The following MYO1D variants were observed in gnomAD, a reference collection of about 807,000 sequenced individuals.
MYO1D encodes myosin ID.
In MYO1D, 83 loss-of-function variants were observed where a neutral mutation model predicts 122.0. The observed-to-expected ratio is 0.68, with a 90% CI of 0.57 to 0.82. The LOEUF is 0.82. Among genes scored for constraint, MYO1D ranks in the 40% least tolerant of loss-of-function variants. MYO1D has a pLI of 0.00. For missense variants in MYO1D, 1,157 were observed against 1,269.5 expected (o/e 0.91, Z 1.35); for synonymous variants, 464 against 446.9 (o/e 1.04, Z -0.48).
intron 17 of MYO1D, among the ~76,000 whole-genome samples, chr17:32,658,256 C>A (rs1349147471): frequency 6.6e-6 from 1 of 152,066 alleles, no homozygotes; most frequent in Non-Finnish European, 1.5e-5. Flanking sequence ...AAGATAACAT[C>A]TGATTTAGCA....
rs1909472990 is a variant in MYO1D, at chr17:32,505,492, C to G, written c.2865-10577G>C. 2.0e-5 allele frequency: 3 copies of G among 152,176 alleles called. No individual in the cohort carries two copies. In the South Asian group the frequency reaches 6.2e-4, roughly 32 times the overall value. 9.4% of individuals were successfully genotyped at this position (152,176 alleles called of 1,614,324 possible). A position where few individuals can be genotyped will look rare whatever the true frequency, so the allele number is the denominator to read the frequency against. ...GCTGGGGCTCAGCTCTGGGAAGTGC[C>G]AGCCTGAACAGGAGTCACGCCCGGG... On this transcript the variant is annotated intron_variant, in intron 21 of 21. Coordinates refer to ENST00000318217, the MANE Select transcript of MYO1D (RefSeq NM_015194.3).
chr17:32,552,716 G>A (rs1029258829), intron 21 of MYO1D, among the ~76,000 whole-genome samples: 1 of 152,200 alleles, frequency 6.6e-6, no homozygotes, highest in Non-Finnish European at 1.5e-5. Flanking sequence ...AGATACAGAT[G>A]TGGAAACTGA....
chr17:32,781,525 C>T lies in MYO1D; in HGVS notation c.96-741G>A, dbSNP rs2090238430. ...TTAAAGTATATATAATATGATTCTA[C>T]CTTTTCCCCATAAAATAGGGTTAAA... On this transcript the variant is annotated intron_variant, in intron 1 of 21. Coordinates refer to ENST00000318217, the MANE Select transcript of MYO1D (RefSeq NM_015194.3). Among the ~76,000 whole-genome samples, 4 of 152,060 alleles carry T rather than the reference C, an allele frequency of 2.6e-5. No homozygotes were observed. The South Asian group carries it at 8.3e-4, about 32-fold the overall frequency.
intron 21 of MYO1D, among the ~76,000 whole-genome samples, chr17:32,577,106 C>A (rs796722823): frequency 6.6e-6 from 1 of 152,092 alleles, no homozygotes; most frequent in South Asian, 2.1e-4. Flanking sequence ...AAAAAATTAG[C>A]CTGGTGTGGC....
chr17:32,711,654 A>G (rs943155978), intron 16 of MYO1D, among the ~76,000 whole-genome samples: 103 of 151,662 alleles, frequency 6.8e-4, no homozygotes, highest in Admixed American at 1.9e-3. Flanking sequence ...TCGGGGGGGA[A>G]AAAAAAAGTC....
intron 21 of MYO1D, among the ~76,000 whole-genome samples, chr17:32,540,580 C>G (rs1398330266): frequency 6.6e-6 from 1 of 151,990 alleles, no homozygotes; most frequent in Non-Finnish European, 1.5e-5. Context: ...AAATGCAAAT[C>G]AAAACTACAC....
intron 21 of MYO1D, among the ~76,000 whole-genome samples, chr17:32,572,441 T>C (rs993042772): frequency 1.3e-5 from 2 of 152,308 alleles, no homozygotes; most frequent in Middle Eastern, 3.4e-3. Context: ...AGTCCTGTCA[T>C]TTCTACCTCC....
Position 32,876,887 on chromosome 17 carries a change from G to C in MYO1D, c.-15C>G. 1 of 1,458,344 alleles carries C rather than the reference G, an allele frequency of 6.9e-7. No homozygotes were observed. The highest frequency in any genetic ancestry group is 1.3e-5 in the South Asian group (1 of 75,464). The allele number at this position is 1,458,344 out of a possible 1,614,324, so 90.3% of individuals were successfully genotyped here. A position where few individuals can be genotyped will look rare whatever the true frequency, so the allele number is the denominator to read the frequency against. ...TGCTCCGCCATGGCGCCAGCGCGGG[G>C]GCTCAGGTGGGCGCGCTCGGGCCTC... On this transcript the variant is annotated 5_prime_UTR_variant, in exon 1 of 22. Coordinates refer to ENST00000318217, the MANE Select transcript of MYO1D (RefSeq NM_015194.3).
intron 21 of MYO1D, among the ~76,000 whole-genome samples, chr17:32,540,327 C>CAAAAAAAA (rs34076937): frequency 5.7e-5 from 4 of 69,820 alleles, no homozygotes; most frequent in Admixed American, 3.5e-4. Flanking sequence ...GAGACTATCT[C>CAAAAAAAA]AAAAAAAAAA....
chr17:32,786,630 G>C (rs1170455549), intron 1 of MYO1D, among the ~76,000 whole-genome samples: 1 of 152,184 alleles, frequency 6.6e-6, no homozygotes, highest in Non-Finnish European at 1.5e-5. Flanking sequence ...GACCAGCCTG[G>C]CCAACATGGC....
chr17:32,628,225 T>C (rs1402036840), intron 20 of MYO1D, among the ~76,000 whole-genome samples: 3 of 152,216 alleles, frequency 2.0e-5, no homozygotes, highest in Non-Finnish European at 4.4e-5. Flanking sequence ...CAATATTACA[T>C]ACAAATATAC....
intron 16 of MYO1D, among the ~76,000 whole-genome samples, chr17:32,667,761 G>A (rs190563881): frequency 5.9e-4 from 90 of 152,252 alleles, no homozygotes; most frequent in African/African-American, 2.0e-3. Context: ...ATGAACCTTC[G>A]TTTAGGACAT....
At chr17:32,507,676 G>A (rs1909546412) in intron 21 of MYO1D, among the ~76,000 whole-genome samples, 1 of 152,150 alleles carries the variant, frequency 6.6e-6, no homozygotes, top group African/African-American at 2.4e-5. Context: ...TTCCTTATAT[G>A]GAAGACCTAG....
In MYO1D at chr17:32,581,429, T is replaced by G. The variant is rs376556409; in HGVS notation, c.2864+23658A>C. 3.2e-4 allele frequency among the ~76,000 whole-genome samples: 48 copies of G among 152,252 alleles called. No homozygotes were observed. The East Asian group carries it at 5.2e-3, about 17-fold the overall frequency. On this transcript the variant is annotated intron_variant, in intron 21 of 21. Transcript: ENST00000318217. ...CATTTCATTGGTTTCTGTTCTGACC[T>G]TTCTTCTGCTTTCTTTGGTTTAATT...
intron 21 of MYO1D, among the ~76,000 whole-genome samples, chr17:32,557,083 AATG>A (rs747346428): frequency 2.0e-5 from 3 of 152,014 alleles, no homozygotes; most frequent in South Asian, 2.1e-4. Context: ...CATTCAGTGA[AATG>A]ATGTGTGCCT....
At chr17:32,629,250 C>T (rs192537029) in intron 20 of MYO1D, among the ~76,000 whole-genome samples, 1 of 151,984 alleles carries the variant, frequency 6.6e-6, no homozygotes, top group Admixed American at 6.6e-5. Context: ...AGGTTACGCA[C>T]ACAGGATCTT....
intron 16 of MYO1D, among the ~76,000 whole-genome samples, chr17:32,666,903 A>G (rs2088644137): frequency 6.6e-6 from 1 of 152,214 alleles, no homozygotes; most frequent in Non-Finnish European, 1.5e-5. Flanking sequence ...AATTTTTAGA[A>G]GCATCTTTCT....
chr17:32,863,236 AGTAATAT>A (rs2091093470), intron 1 of MYO1D, among the ~76,000 whole-genome samples: 2 of 152,250 alleles, frequency 1.3e-5, no homozygotes, highest in South Asian at 4.1e-4. Flanking sequence ...TACCAAGGGC[AGTAATAT>A]GTTTTAGAGT....
chr17:32,789,389 T>C (rs1598100722), intron 1 of MYO1D, among the ~76,000 whole-genome samples: 1 of 151,954 alleles, frequency 6.6e-6, no homozygotes, highest in Non-Finnish European at 1.5e-5. Context: ...TTCAGTATGA[T>C]GTTGGCTGTG....
Sources: gnomAD v4.1 joint callset for allele counts (sites outside exome capture counted in the v4.1 genomes callset) on GRCh38, gnomAD v4.1.1 for gene constraint, MANE v1.5 for transcripts, NCBI Gene and HGNC (gene_info 2026-07-23, HGNC 2026-07-21) for gene names.